Variants in RIC1 observed in about 807,000 individuals in gnomAD.
RIC1 encodes the protein guanine nucleotide exchange factor subunit RIC1.
Under a neutral mutation model 169.0 loss-of-function variants are expected in RIC1, and 88 were observed. That is an observed-to-expected ratio of 0.52 (90% CI 0.44 to 0.62). The LOEUF (loss-of-function observed/expected upper bound fraction) is 0.62. RIC1 is among the 20% of genes least tolerant of loss of function. The pLI, the probability that RIC1 is intolerant of heterozygous loss-of-function variation, is 0.00. For missense variants in RIC1, 1,877 were observed against 1,725.5 expected, an observed-to-expected ratio of 1.09 and a Z score of -1.56; for synonymous variants, 790 against 601.5, an observed-to-expected ratio of 1.31 and a Z score of -4.59.
intron 21 of RIC1, among the ~76,000 whole-genome samples, chr9:5,767,479 C>CTTT (rs34146140): frequency 6.9e-6 from 1 of 145,288 alleles, no homozygotes; most frequent in Non-Finnish European, 1.5e-5. Flanking sequence ...TTCATATTCT[C>CTTT]TTTTTTTTTT....
At chr9:5,635,233 G>A (rs537264025) in intron 1 of RIC1, among the ~76,000 whole-genome samples, 1 of 152,258 alleles carries the variant, frequency 6.6e-6, no homozygotes, top group African/African-American at 2.4e-5. Flanking sequence ...GCCCATCTCA[G>A]CCTCCTAAAG....
At chr9:5,640,669 T>G (rs1818195063) in intron 1 of RIC1, among the ~76,000 whole-genome samples, 1 of 152,222 alleles carries the variant, frequency 6.6e-6, no homozygotes, top group Non-Finnish European at 1.5e-5. Flanking sequence ...TGTTTTTCTG[T>G]GTGCTTACTA....
chr9:5,729,397 A>G (rs985179892), intron 6 of RIC1, among the ~76,000 whole-genome samples: 6 of 152,130 alleles, frequency 3.9e-5, no homozygotes, highest in Admixed American at 2.6e-4. Context: ...TTAGCCTTTC[A>G]AAGACCCCTG....
intron 2 of RIC1, among the ~76,000 whole-genome samples, chr9:5,687,391 C>T (rs1191031237): frequency 4.6e-5 from 7 of 152,108 alleles, no homozygotes; most frequent in African/African-American, 1.2e-4. Context: ...CTTTGGATTT[C>T]GTTTGCTCTA....
chr9:5,734,910 A>G (rs1164800826), intron 7 of RIC1, among the ~76,000 whole-genome samples: 4 of 152,220 alleles, frequency 2.6e-5, no homozygotes, highest in Admixed American at 2.6e-4. Context: ...ATTCTCTTGT[A>G]TAATTGGAAT....
chr9:5,753,624 A>C lies in RIC1; in HGVS notation c.1580A>C (p.Lys527Thr). 6.3e-7 allele frequency: 1 copy of C among 1,598,360 alleles called. No homozygotes were observed. The highest frequency in any genetic ancestry group is 8.6e-7 in the Non-Finnish European group (1 of 1,168,826). Residue 527 changes from lysine to threonine, a missense_variant, in exon 14 of 26, where the codon AAA becomes ACA. Coordinates refer to ENST00000414202, the MANE Select transcript of RIC1 (RefSeq NM_020829.4). ...TACTCTTTACTCACCAAAAAATGGA[A>C]ACTTTTTGGAAACATTACCCAGGTT... ...AHYSLLTKKW[K>T]LFGNITQEQN...
Position 5,702,688 on chromosome 9 carries a change from G to A in RIC1, c.333-11208G>A, listed in dbSNP as rs531935106. ...TGAGTAGCTGGGACTACAGGCACAC[G>A]CCGCCATGCCCGGCTAATTTTTTTT... is the stretch of plus-strand genomic sequence containing the variant. On this transcript the variant is annotated intron_variant, in intron 3 of 25. Coordinates refer to ENST00000414202, the MANE Select transcript of RIC1 (RefSeq NM_020829.4). Among the ~76,000 whole-genome samples the A allele has an allele frequency of 1.1e-3, 161 of 152,208 alleles. 2 individuals carry two copies. Among genetic ancestry groups the A allele is most frequent in the Non-Finnish European group, 4.9e-4 (33 of 67,990 alleles).
At chr9:5,633,603 A>T (rs1404198442) in intron 1 of RIC1, among the ~76,000 whole-genome samples, 1 of 152,172 alleles carries the variant, frequency 6.6e-6, no homozygotes, top group East Asian at 1.9e-4. Flanking sequence ...ATAATTGACA[A>T]ATAAAAATTG....
chr9:5,750,149 T>G (rs1486510084), intron 12 of RIC1, among the ~76,000 whole-genome samples: 1 of 151,868 alleles, frequency 6.6e-6, no homozygotes, highest in African/African-American at 2.4e-5. Flanking sequence ...TTTTAAAACT[T>G]TTGAAGTCAT....
intron 2 of RIC1, among the ~76,000 whole-genome samples, chr9:5,666,297 C>T (rs555498605): frequency 2.6e-5 from 4 of 151,984 alleles, no homozygotes; most frequent in East Asian, 3.9e-4. Context: ...TTATATCCTA[C>T]GACTTTGCTA....
chr9:5,721,004 C>A (rs1587016316), intron 6 of RIC1, among the ~76,000 whole-genome samples: 1 of 152,074 alleles, frequency 6.6e-6, no homozygotes, highest in Admixed American at 6.6e-5. Flanking sequence ...CTTGTTATTC[C>A]TTTACTGGTT....
At chr9:5,695,199 T>C (rs1327411542) in intron 3 of RIC1, among the ~76,000 whole-genome samples, 1 of 152,224 alleles carries the variant, frequency 6.6e-6, no homozygotes. Flanking sequence ...AAGACAATTC[T>C]GGATTGGTGA....
chr9:5,771,570 C>G (rs1827223622), intron 23 of RIC1, among the ~76,000 whole-genome samples: 1 of 149,670 alleles, frequency 6.7e-6, no homozygotes, highest in Admixed American at 6.7e-5. Flanking sequence ...GGTCATAATT[C>G]TACTTGCATT....
In RIC1 at chr9:5,773,096, C is replaced by CA. The variant is rs747231398; in HGVS notation, c.3983+16_3983+17insA. 1.0e-5 allele frequency: 16 copies of CA among 1,554,032 alleles called. No individual in the cohort carries two copies. In the East Asian group the frequency reaches 3.7e-4, roughly 36 times the overall value. On this transcript the variant is annotated intron_variant, in intron 25 of 25. Transcript: ENST00000414202. ...CTACAGACTGGTAAGTGCTGCTTTC[C>CA]TTAGGCTTGGTGTCCTTCCATGTCT... is the stretch of plus-strand genomic sequence containing the variant.
At chr9:5,756,785 G>A (rs1056478433) in intron 16 of RIC1, among the ~76,000 whole-genome samples, 1 of 152,176 alleles carries the variant, frequency 6.6e-6, no homozygotes. Context: ...TGAGCTAGAT[G>A]GCTGTAGTCT....
rs1316672846 is a variant in RIC1, at chr9:5,775,670, C to T, written c.*1424C>T. 1.3e-5 allele frequency: 2 copies of T among 152,152 alleles called. No individual in the cohort carries two copies. The highest frequency in any genetic ancestry group is 4.8e-5 in the African/African-American group (2 of 41,440). The allele number at this position is 152,152 out of a possible 1,614,324, so 9.4% of individuals were successfully genotyped here. On this transcript the variant is annotated 3_prime_UTR_variant, in exon 26 of 26. Coordinates refer to ENST00000414202, the MANE Select transcript of RIC1 (RefSeq NM_020829.4). The stretch of plus-strand genomic sequence containing the variant: ...AATGGCTAGATTTAGTTGTCTTAGC[C>T]AGGTTTCCTTTGAAGAGAAACTCAA...
intron 2 of RIC1, among the ~76,000 whole-genome samples, chr9:5,677,563 A>G (rs1056497747): frequency 4.6e-5 from 7 of 150,560 alleles, no homozygotes; most frequent in Non-Finnish European, 8.8e-5. Context: ...TATATTTAAC[A>G]TCATTTTGAT....
At chr9:5,668,615 G>A (rs1347358169) in intron 2 of RIC1, among the ~76,000 whole-genome samples, 1 of 151,950 alleles carries the variant, frequency 6.6e-6, no homozygotes, top group Non-Finnish European at 1.5e-5. Flanking sequence ...AATTTCAAAT[G>A]TCTTATTTTC....
chr9:5,764,490 G>A (rs1826558737), intron 19 of RIC1, among the ~76,000 whole-genome samples: 1 of 152,178 alleles, frequency 6.6e-6, no homozygotes, highest in Non-Finnish European at 1.5e-5. Flanking sequence ...CTTGACAGTT[G>A]GTTATTTGAT....
Sources: allele counts gnomAD v4.1 joint callset (sites outside exome capture counted in the v4.1 genomes callset), GRCh38; gene constraint gnomAD v4.1.1; transcripts MANE v1.5; gene names NCBI Gene and HGNC (gene_info 2026-07-23, HGNC 2026-07-21).